Variants in IFNA5 observed in about 807,000 individuals in gnomAD.
IFNA5 encodes interferon alpha-5.
For missense variants in IFNA5, 267 were observed against 213.8 expected (o/e 1.25, Z -1.55); for synonymous variants, 95 against 77.6 (o/e 1.22, Z -1.18).
In IFNA5 at chr9:21,304,561, C is replaced by G; in HGVS notation, c.*126G>C. The G allele has an allele frequency of 5.4e-6, 6 of 1,118,200 alleles. No homozygotes were observed. Among genetic ancestry groups the G allele is most frequent in the Non-Finnish European group, 7.7e-6 (6 of 783,164 alleles). The allele number at this position is 1,118,200 out of a possible 1,614,324, so 69.3% of individuals were successfully genotyped here. ...GAAGTGTTGCTTAACACGTGTGAAACGTTTGAAAATTTTGATTCAACTCAA... is the reference window on the plus strand; with the variant it reads ...GAAGTGTTGCTTAACACGTGTGAAAGGTTTGAAAATTTTGATTCAACTCAA... On this transcript the variant is annotated 3_prime_UTR_variant, in exon 1 of 1. Transcript: ENST00000610521.
Position 21,305,074 on chromosome 9 carries a change from A to G in IFNA5, c.183T>C (p.Phe61=), listed in dbSNP as rs371183306. The G allele has an allele frequency of 3.7e-6, 6 of 1,614,096 alleles. No individual in the cohort carries two copies. Among genetic ancestry groups the G allele is most frequent in the Admixed American group, 3.3e-5 (2 of 60,006 alleles). Residue 61 remains phenylalanine, a synonymous_variant, in exon 1 of 1, where the codon TTT becomes TTC. Coordinates refer to ENST00000610521, the MANE Select transcript of IFNA5 (RefSeq NM_002169.3). ...GGTTGCCATCAAACTCCTCCTGAGG[A>G]AATCCAAAGTCATGTCTGTCCTTCA... is the stretch of plus-strand genomic sequence containing the variant. ...SCLKDRHDFG[F]PQEEFDGNQF... is the part of the protein sequence containing the mutation.
chr9:21,305,282 C>A lies in IFNA5; in HGVS notation c.-26G>T. 6.5e-7 allele frequency: 1 copy of A among 1,545,456 alleles called. No homozygotes were observed. The highest frequency in any genetic ancestry group is 1.3e-5 in the South Asian group (1 of 78,316). On this transcript the variant is annotated 5_prime_UTR_variant, in exon 1 of 1. Coordinates refer to ENST00000610521, the MANE Select transcript of IFNA5 (RefSeq NM_002169.3). The stretch of plus-strand genomic sequence containing the variant: ...TGGGGAGGTTGCAGATGCTTCTGGG[C>A]TGTTGAGATTGAGTGACCCTGAACC...
rs1477465031 is a variant in IFNA5 at position 21,304,770 on chromosome 9, C to A, written c.487G>T (p.Ala163Ser). The A allele has an allele frequency of 2.5e-6, 4 of 1,614,132 alleles. No homozygotes were observed. Among genetic ancestry groups the A allele is most frequent in the African/African-American group, 1.3e-5 (1 of 75,040 alleles). ...ATTTCTGCTCTGACAACCTCCCATG[C>A]ACAAGGGCTGTATTTCTTCTCTGTC... ...YLTEKKYSPC[A>S]WEVVRAEIMR... Residue 163 changes from alanine (A) to serine (S), a missense_variant, in exon 1 of 1, where the codon GCA becomes TCA. Transcript: ENST00000610521.
rs1415963622 is a variant in IFNA5 at position 21,305,184 on chromosome 9, C to G, written c.73G>C (p.Asp25His). ...NCKSICSLGC[D>H]LPQTHSLSNR... ...CTCAGGCTGTGGGTCTGAGGCAGAT[C>G]ACAGCCCAGAGAACAGATTGACTTG... is the stretch of plus-strand genomic sequence containing the variant. Residue 25 changes from aspartate (D) to histidine (H), a missense_variant, in exon 1 of 1, where the codon GAT becomes CAT. Transcript: ENST00000610521. 6.2e-7 allele frequency: 1 copy of G among 1,613,482 alleles called. No homozygotes were observed. Among genetic ancestry groups the G allele is most frequent in the East Asian group, 2.2e-5 (1 of 44,886 alleles).
chr9:21,304,714 C>T lies in IFNA5; in HGVS notation c.543G>A (p.Leu181=). ...IMRSFSLSAN[L]QERLRRKE is the part of the protein sequence containing the mutation. Reference sequence around the variant, plus strand: ...ATTCCTTCCTCCTTAATCTTTCTTGCAAGTTTGCTGATAAAGAGAAGGATC... The same window carrying T: ...ATTCCTTCCTCCTTAATCTTTCTTGTAAGTTTGCTGATAAAGAGAAGGATC... The change falls in exon 1 of 1, where the codon TTG becomes TTA. Residue 181 remains leucine, a synonymous_variant. Coordinates refer to ENST00000610521, the MANE Select transcript of IFNA5 (RefSeq NM_002169.3). 6.2e-7 allele frequency: 1 copy of T among 1,612,516 alleles called. No individual in the cohort carries two copies. Among genetic ancestry groups the T allele is most frequent in the Admixed American group, 1.7e-5 (1 of 59,512 alleles).
At position 21,305,192 on chromosome 9, in the gene IFNA5, A is replaced by G. The variant is rs773143683; in HGVS notation, c.65T>C (p.Leu22Pro). 6.2e-7 allele frequency: 1 copy of G among 1,613,018 alleles called. No homozygotes were observed. Among genetic ancestry groups the G allele is most frequent in the East Asian group, 2.2e-5 (1 of 44,884 alleles). ...VVLNCKSICS[L>P]GCDLPQTHSL... ...GTGGGTCTGAGGCAGATCACAGCCC[A>G]GAGAACAGATTGACTTGCAGTTGAG... is the stretch of plus-strand genomic sequence containing the variant. The change falls in exon 1 of 1, where the codon CTG becomes CCG. Residue 22 changes from leucine (L) to proline (P), a missense_variant. By Grantham distance (98) the Leu-to-Pro change is moderately conservative (BLOSUM62 -3). Coordinates refer to ENST00000610521, the MANE Select transcript of IFNA5 (RefSeq NM_002169.3).
Position 21,305,246 on chromosome 9 carries a change from G to A in IFNA5, c.11C>T (p.Pro4Leu). The change falls in exon 1 of 1, where the codon CCC becomes CTC. Residue 4 changes from proline (P) to leucine (L), a missense_variant. Physicochemically the swap from Pro to Leu is moderately conservative, Grantham distance 98. Transcript: ENST00000610521. ...CACCAGGGCCATCAGTAAAACAAAG[G>A]GCAAGGCCATTGGGGAGGTTGCAGA... MAL[P>L]FVLLMALVVL... 6.3e-7 allele frequency: 1 copy of A among 1,594,534 alleles called. No individual in the cohort carries two copies.
Position 21,304,571 on chromosome 9 carries a change from T to C in IFNA5, c.*116A>G. ...TTAACACGTGTGAAACGTTTGAAAA[T>C]TTTGATTCAACTCAAGTCATGGATA... On this transcript the variant is annotated 3_prime_UTR_variant, in exon 1 of 1. Transcript: ENST00000610521. The C allele has an allele frequency of 8.0e-7, 1 of 1,252,034 alleles. No homozygotes were observed. The highest frequency in any genetic ancestry group is 1.5e-5 in the South Asian group (1 of 65,154). The allele number at this position is 1,252,034 out of a possible 1,614,324, so 77.6% of individuals were successfully genotyped here. A position where few individuals can be genotyped will look rare whatever the true frequency, so the allele number is the denominator to read the frequency against.
Position 21,304,535 on chromosome 9 carries a change from A to C in IFNA5, c.*152T>G, listed in dbSNP as rs1357190921. ...AAAGATTTTGTCCCTGTGGAGCTAA[A>C]GAAGTGTTGCTTAACACGTGTGAAA... On this transcript the variant is annotated 3_prime_UTR_variant, in exon 1 of 1. Transcript: ENST00000610521. The C allele has an allele frequency of 3.8e-6, 3 of 792,726 alleles. No homozygotes were observed. Among genetic ancestry groups the C allele is most frequent in the Non-Finnish European group, 5.9e-6 (3 of 509,340 alleles). 49.1% of individuals were successfully genotyped at this position (792,726 alleles called of 1,614,324 possible). A position where few individuals can be genotyped will look rare whatever the true frequency, so the allele number is the denominator to read the frequency against.
chr9:21,305,269 A>C lies in IFNA5; in HGVS notation c.-13T>G. 6.3e-7 allele frequency: 1 copy of C among 1,575,040 alleles called. No homozygotes were observed. Among genetic ancestry groups the C allele is most frequent in the Non-Finnish European group, 8.6e-7 (1 of 1,163,486 alleles). On this transcript the variant is annotated 5_prime_UTR_variant, in exon 1 of 1. Transcript: ENST00000610521. Reference sequence around the variant, plus strand: ...AGGGCAAGGCCATTGGGGAGGTTGCAGATGCTTCTGGGCTGTTGAGATTGA... The same window carrying C: ...AGGGCAAGGCCATTGGGGAGGTTGCCGATGCTTCTGGGCTGTTGAGATTGA...
chr9:21,305,051 T>C lies in IFNA5; in HGVS notation c.206A>G (p.Asn69Ser), dbSNP rs755801741. Residue 69 changes from asparagine to serine, a missense_variant, in exon 1 of 1, where the codon AAC becomes AGC. Transcript: ENST00000610521. ...GATGGCTTGAGCCTTCTGGAACTGG[T>C]TGCCATCAAACTCCTCCTGAGGAAA... Reference protein sequence around the residue: ...FGFPQEEFDGNQFQKAQAISV... With the variant: ...FGFPQEEFDGSQFQKAQAISV... 2 of 1,614,216 alleles carry C rather than the reference T, an allele frequency of 1.2e-6. No homozygotes were observed. The highest frequency in any genetic ancestry group is 1.7e-6 in the Non-Finnish European group (2 of 1,180,034).
chr9:21,305,311 G>C lies in IFNA5; in HGVS notation c.-55C>G, dbSNP rs1819834057. 6.9e-7 allele frequency: 1 copy of C among 1,449,498 alleles called. No homozygotes were observed. The highest frequency in any genetic ancestry group is 9.3e-7 in the Non-Finnish European group (1 of 1,073,450). 89.8% of individuals were successfully genotyped at this position (1,449,498 alleles called of 1,614,324 possible). A position where few individuals can be genotyped will look rare whatever the true frequency, so the allele number is the denominator to read the frequency against. On this transcript the variant is annotated 5_prime_UTR_variant, in exon 1 of 1. Transcript: ENST00000610521. The stretch of plus-strand genomic sequence containing the variant: ...TGAGATTGAGTGACCCTGAACCTTG[G>C]GCTCTTCTCTGAAGACCTTGTTTTG...
In IFNA5 at chr9:21,304,496, G is replaced by C. The variant is rs1042258290; in HGVS notation, c.*191C>G. On this transcript the variant is annotated 3_prime_UTR_variant, in exon 1 of 1. Coordinates refer to ENST00000610521, the MANE Select transcript of IFNA5 (RefSeq NM_002169.3). ...ATAAATAGATAGAATAGATAGATTG[G>C]CATGATCATCTGTAAAGATTTTGTC... 6.0e-6 allele frequency: 3 copies of C among 502,100 alleles called. No individual in the cohort carries two copies. The highest frequency in any genetic ancestry group is 1.0e-5 in the Non-Finnish European group (3 of 288,736). The allele number at this position is 502,100 out of a possible 1,614,324, so 31.1% of individuals were successfully genotyped here.
rs935482454 is a variant in IFNA5, at chr9:21,305,160, T to C, written c.97A>G (p.Ser33Gly). 6.2e-7 allele frequency: 1 copy of C among 1,614,168 alleles called. No homozygotes were observed. The highest frequency in any genetic ancestry group is 2.2e-5 in the East Asian group (1 of 44,876). Residue 33 changes from serine to glycine, a missense_variant, in exon 1 of 1, where the codon AGT (serine) becomes GGT (glycine). Ser to Gly is a moderately conservative substitution (Grantham distance 56). Coordinates refer to ENST00000610521, the MANE Select transcript of IFNA5 (RefSeq NM_002169.3). ...ATTATCATCAAAGTCCTCCTGTTACTCAGGCTGTGGGTCTGAGGCAGATCA... is the reference window on the plus strand; with the variant it reads ...ATTATCATCAAAGTCCTCCTGTTACCCAGGCTGTGGGTCTGAGGCAGATCA... ...GCDLPQTHSL[S>G]NRRTLMIMAQ...
chr9:21,304,827 T>G lies in IFNA5; in HGVS notation c.430A>C (p.Arg144=). ...AGGGTGATTCTTTGAAAGTATTTTC[T>G]CACAGTCAGGATAGAGTCCACATTC... ...LMNVDSILTV[R]KYFQRITLYL... is the part of the protein sequence containing the mutation. Residue 144 remains arginine (R), a synonymous_variant, in exon 1 of 1, where the codon AGA becomes CGA. Coordinates refer to ENST00000610521, the MANE Select transcript of IFNA5 (RefSeq NM_002169.3). The G allele has an allele frequency of 6.2e-7, 1 of 1,614,196 alleles. No individual in the cohort carries two copies. Among genetic ancestry groups the G allele is most frequent in the South Asian group, 1.1e-5 (1 of 91,080 alleles).
In IFNA5 at chr9:21,305,250, A is replaced by G; in HGVS notation, c.7T>C (p.Leu3=). 6.3e-7 allele frequency: 1 copy of G among 1,591,900 alleles called. No individual in the cohort carries two copies. The highest frequency in any genetic ancestry group is 8.5e-7 in the Non-Finnish European group (1 of 1,170,556). The change falls in exon 1 of 1, where the codon TTG becomes CTG. Residue 3 remains leucine, a synonymous_variant. Transcript: ENST00000610521. MA[L]PFVLLMALVV... is the part of the protein sequence containing the mutation. Reference sequence around the variant, plus strand: ...AGGGCCATCAGTAAAACAAAGGGCAAGGCCATTGGGGAGGTTGCAGATGCT... The same window carrying G: ...AGGGCCATCAGTAAAACAAAGGGCAGGGCCATTGGGGAGGTTGCAGATGCT...
chr9:21,304,977 T>G lies in IFNA5; in HGVS notation c.280A>C (p.Lys94Gln). 1 of 1,614,152 alleles carries G rather than the reference T, an allele frequency of 6.2e-7. No homozygotes were observed. Among genetic ancestry groups the G allele is most frequent in the Non-Finnish European group, 8.5e-7 (1 of 1,180,024 alleles). The change falls in exon 1 of 1, where the codon AAG (lysine) becomes CAG (glutamine). Residue 94 changes from lysine (K) to glutamine (Q), a missense_variant. Lys to Gln is a moderately conservative substitution (Grantham distance 53, BLOSUM62 1). Coordinates refer to ENST00000610521, the MANE Select transcript of IFNA5 (RefSeq NM_002169.3). ...IQQTFNLFSTKDSSATWDETL... is the reference protein window; with the variant it reads ...IQQTFNLFSTQDSSATWDETL... Reference sequence around the variant, plus strand: ...TCATCCCAAGTAGCAGATGAGTCCTTTGTGCTGAAGAGATTGAAGGTCTGC... The same window carrying G: ...TCATCCCAAGTAGCAGATGAGTCCTGTGTGCTGAAGAGATTGAAGGTCTGC...
chr9:21,304,897 T>C lies in IFNA5; in HGVS notation c.360A>G (p.Glu120=). 1 of 1,614,210 alleles carries C rather than the reference T, an allele frequency of 6.2e-7. No individual in the cohort carries two copies. The highest frequency in any genetic ancestry group is 8.5e-7 in the Non-Finnish European group (1 of 1,180,042). The change falls in exon 1 of 1, where the codon GAA becomes GAG. Residue 120 remains glutamate (E), a synonymous_variant. Coordinates refer to ENST00000610521, the MANE Select transcript of IFNA5 (RefSeq NM_002169.3). ...TELYQQLNDL[E]ACMMQEVGVE... ...CTCCAACCTCCTGCATCATACAGGCTTCCAGGTCATTCAGCTGCTGGTAAA... is the reference window on the plus strand; with the variant it reads ...CTCCAACCTCCTGCATCATACAGGCCTCCAGGTCATTCAGCTGCTGGTAAA...
rs777766332 is a variant in IFNA5, at chr9:21,304,654, T to A, written c.*33A>T. On this transcript the variant is annotated 3_prime_UTR_variant, in exon 1 of 1. Transcript: ENST00000610521. ...CAAGAAGTGTGAAATGGTGTACTAG[T>A]CAATGAGAATCATTTCGATGTTGAA... 7 of 1,584,110 alleles carry A rather than the reference T, an allele frequency of 4.4e-6. No individual in the cohort carries two copies. The South Asian group carries it at 8.0e-5, about 18-fold the overall frequency.
Sources: allele counts gnomAD v4.1 joint callset, GRCh38; gene constraint gnomAD v4.1.1; transcripts MANE v1.5; gene names NCBI Gene and HGNC (gene_info 2026-07-23, HGNC 2026-07-21).